Variants in FSTL4 observed in about 807,000 individuals in gnomAD.
The protein encoded by FSTL4 is follistatin-related protein 4.
Under a neutral mutation model 78.2 loss-of-function variants are expected in FSTL4, and 28 were observed. That is an observed-to-expected ratio of 0.36 (90% CI 0.27 to 0.49). The LOEUF (loss-of-function observed/expected upper bound fraction) is 0.49, where lower values mean the gene tolerates loss of function less well. Ranked by LOEUF, FSTL4 falls within the 20% of genes least tolerant of loss-of-function variation. The pLI, the probability that FSTL4 is intolerant of heterozygous loss-of-function variation, is 0.98. For missense variants in FSTL4, 922 were observed against 1,084.9 expected, an observed-to-expected ratio of 0.85 and a Z score of 2.11; for synonymous variants, 422 against 440.5, an observed-to-expected ratio of 0.96 and a Z score of 0.53.
At chr5:133,702,314 C>T in the FSTL4 span, among the ~76,000 whole-genome samples, 1 of 152,228 alleles carries the variant, frequency 6.6e-6, no homozygotes, top group Non-Finnish European at 1.5e-5. Flanking sequence ...GTCCCAGCAT[C>T]TTAAGCTTAA....
intron 3 of FSTL4, among the ~76,000 whole-genome samples, chr5:133,444,451 T>C (rs1356829277): frequency 6.6e-6 from 1 of 152,200 alleles, no homozygotes; most frequent in Non-Finnish European, 1.5e-5. Context: ...TTCTCTCTCT[T>C]GCCCAGACAT....
At chr5:133,421,248 T>C (rs1580697568) in intron 3 of FSTL4, among the ~76,000 whole-genome samples, 2 of 152,230 alleles carry the variant, frequency 1.3e-5, no homozygotes, top group South Asian at 4.1e-4. Flanking sequence ...AGTGGGCCTC[T>C]TGCTCACCTT....
chr5:133,365,572 C>A (rs1755167221), intron 4 of FSTL4, among the ~76,000 whole-genome samples: 1 of 152,208 alleles, frequency 6.6e-6, no homozygotes, highest in South Asian at 2.1e-4. Context: ...CTATCGATTT[C>A]TCCCTGGCCC....
intron 3 of FSTL4, among the ~76,000 whole-genome samples, chr5:133,523,737 C>G (rs1016905307): frequency 6.6e-6 from 1 of 152,206 alleles, no homozygotes; most frequent in South Asian, 2.1e-4. Context: ...TGTTGCCATT[C>G]ATTCATTCAA....
chr5:133,579,133 G>C (rs187263559), intron 2 of FSTL4, among the ~76,000 whole-genome samples: 8 of 152,182 alleles, frequency 5.3e-5, no homozygotes, highest in African/African-American at 1.9e-4. Flanking sequence ...CAAAAGCAAT[G>C]GTCATACTGG....
chr5:133,759,946 G>T, the FSTL4 span, among the ~76,000 whole-genome samples: 15 of 152,338 alleles, frequency 9.8e-5, no homozygotes, highest in Non-Finnish European at 1.9e-4. Flanking sequence ...TGGATGCCAA[G>T]ATGTGTTTTA....
At chr5:133,337,463 C>T (rs556319640) in intron 4 of FSTL4, among the ~76,000 whole-genome samples, 1 of 152,090 alleles carries the variant, frequency 6.6e-6, no homozygotes, top group Admixed American at 6.5e-5. Flanking sequence ...GAGGCTTCTT[C>T]GAGGAGTGGA....
At chr5:133,360,833 G>A (rs938075960) in intron 4 of FSTL4, among the ~76,000 whole-genome samples, 6 of 152,064 alleles carry the variant, frequency 3.9e-5, no homozygotes, top group Admixed American at 6.5e-5. Flanking sequence ...CTGAGATGGC[G>A]CGTCCCATTC....
At chr5:133,379,168 T>C (rs555476589) in intron 4 of FSTL4, among the ~76,000 whole-genome samples, 1 of 152,250 alleles carries the variant, frequency 6.6e-6, no homozygotes, top group South Asian at 2.1e-4. Flanking sequence ...CCAGGTGTTA[T>C]ATAAACAGAT....
chr5:133,438,202 C>A (rs539208585), intron 3 of FSTL4, among the ~76,000 whole-genome samples: 1 of 152,290 alleles, frequency 6.6e-6, no homozygotes, highest in East Asian at 1.9e-4. Flanking sequence ...CTTTTGCCTT[C>A]GACATGAACA....
At chr5:133,360,304 CT>C (rs1048503327) in intron 4 of FSTL4, among the ~76,000 whole-genome samples, 1 of 152,202 alleles carries the variant, frequency 6.6e-6, no homozygotes, top group African/African-American at 2.4e-5. Flanking sequence ...AAAGAACCCA[CT>C]GTTGAATTCA....
At chr5:133,543,987 T>C (rs1300637037) in intron 3 of FSTL4, among the ~76,000 whole-genome samples, 2 of 152,098 alleles carry the variant, frequency 1.3e-5, no homozygotes, top group African/African-American at 2.4e-5. Flanking sequence ...ATTAAGTTTA[T>C]AGGTATCTTT....
the FSTL4 span, among the ~76,000 whole-genome samples, chr5:133,819,586 C>A: frequency 1.3e-5 from 2 of 152,170 alleles, no homozygotes; most frequent in Non-Finnish European, 2.9e-5. Flanking sequence ...ACTCATAGCA[C>A]CGTTGGAGGC....
chr5:133,815,582 A>T, the FSTL4 span, among the ~76,000 whole-genome samples: 1 of 152,240 alleles, frequency 6.6e-6, no homozygotes, highest in South Asian at 2.1e-4. Flanking sequence ...CAGGGTTCGC[A>T]CACTGGAGAT....
At chr5:133,571,585 A>G (rs1580796846) in intron 2 of FSTL4, among the ~76,000 whole-genome samples, 1 of 152,212 alleles carries the variant, frequency 6.6e-6, no homozygotes, top group Non-Finnish European at 1.5e-5. Context: ...AAGACTACAC[A>G]TTGGGTACAC....
chr5:133,422,551 T>G (rs1756720972), intron 3 of FSTL4, among the ~76,000 whole-genome samples: 1 of 145,762 alleles, frequency 6.9e-6, no homozygotes, highest in Non-Finnish European at 1.5e-5. Context: ...CAAGACCAGG[T>G]TTGGAAGGAA....
At chr5:133,341,434 G>C (rs1418948874) in intron 4 of FSTL4, among the ~76,000 whole-genome samples, 1 of 152,020 alleles carries the variant, frequency 6.6e-6, no homozygotes, top group African/African-American at 2.4e-5. Flanking sequence ...CCCAGAACAC[G>C]GCTTCTCCTG....
At chr5:133,511,506 G>T (rs1321738048) in intron 3 of FSTL4, among the ~76,000 whole-genome samples, 1 of 152,250 alleles carries the variant, frequency 6.6e-6, no homozygotes, top group East Asian at 1.9e-4. Context: ...CCCACAACTT[G>T]CTGTGACCAC....
the FSTL4 span, among the ~76,000 whole-genome samples, chr5:133,657,214 C>A: frequency 6.6e-6 from 1 of 152,164 alleles, no homozygotes; most frequent in East Asian, 1.9e-4. Flanking sequence ...TCAAGGAAAG[C>A]CCCCGCTAGA....
Sources: gnomAD v4.1 joint callset for allele counts (sites outside exome capture counted in the v4.1 genomes callset) on GRCh38, gnomAD v4.1.1 for gene constraint, MANE v1.5 for transcripts, NCBI Gene and HGNC (gene_info 2026-07-23, HGNC 2026-07-21) for gene names.